CAMSAP2: variants seen among roughly 807,000 people sequenced by gnomAD.
CAMSAP2 encodes the protein calmodulin-regulated spectrin-associated protein 2.
Under a neutral mutation model 146.1 loss-of-function variants are expected in CAMSAP2, and 26 were observed. That is an observed-to-expected ratio of 0.18 (90% confidence interval 0.13 to 0.25). The LOEUF (loss-of-function observed/expected upper bound fraction) is 0.25, where lower values mean the gene tolerates loss of function less well. Ranked by LOEUF, CAMSAP2 falls within the 10% of genes least tolerant of loss-of-function variation. The probability of loss-of-function intolerance (pLI) is 1.00; values close to 1 mark genes in which losing one functional copy is unlikely to be tolerated. For missense variants in CAMSAP2, 1,381 were observed against 1,759.3 expected (o/e 0.78, Z 3.85); for synonymous variants, 499 against 596.6 (o/e 0.84, Z 2.38).
chr1:200,832,739 A>C lies in CAMSAP2; in HGVS notation c.821A>C (p.Asp274Ala). Residue 274 changes from aspartate (D) to alanine (A), a missense_variant, in exon 6 of 17, where the codon GAT (aspartate) becomes GCT (alanine). Asp to Ala is a moderately radical substitution (Grantham distance 126, BLOSUM62 -2). This residue lies in a region of CAMSAP2 where 284 missense variants were observed against 406.9 expected (regional missense o/e 0.70). Transcript: ENST00000358823. This position sits in a 1 kb window ranked among gnomAD's most constrained non-coding sequence, Gnocchi z 4.2. ...TTGAAAGAAACTATGTCTTTGGCTG[A>C]TAGCCTGTATAATCTGCAGCTGATT... is the stretch of plus-strand genomic sequence containing the variant. ...ICLKETMSLA[D>A]SLYNLQLIQE... The C allele has an allele frequency of 6.2e-7, 1 of 1,609,582 alleles. No homozygotes were observed. The highest frequency in any genetic ancestry group is 8.5e-7 in the Non-Finnish European group (1 of 1,178,100).
At chr1:200,754,494 C>T (rs1432352512) in intron 1 of CAMSAP2, among the ~76,000 whole-genome samples, 1 of 151,808 alleles carries the variant, frequency 6.6e-6, no homozygotes, top group East Asian at 1.9e-4. Flanking sequence ...AATGATCTTG[C>T]CTGAACCGAT....
At chr1:200,749,612 C>T (rs183270025) in intron 1 of CAMSAP2, among the ~76,000 whole-genome samples, 74 of 152,282 alleles carry the variant, frequency 4.9e-4, no homozygotes, top group Admixed American at 6.5e-5. Flanking sequence ...CTTTATTTAA[C>T]ATGTTCTATC....
intron 2 of CAMSAP2, among the ~76,000 whole-genome samples, chr1:200,797,847 T>C (rs1290892643): frequency 4.2e-5 from 6 of 142,180 alleles, no homozygotes; most frequent in Non-Finnish European, 9.2e-5. Flanking sequence ...TTGATTTTTG[T>C]ATAAGGTGTA....
chr1:200,787,925 A>G (rs933534495), intron 2 of CAMSAP2, among the ~76,000 whole-genome samples: 1 of 152,228 alleles, frequency 6.6e-6, no homozygotes, highest in African/African-American at 2.4e-5. Context: ...TTAGCAATAC[A>G]ATATTTTTAA....
intron 1 of CAMSAP2, among the ~76,000 whole-genome samples, chr1:200,755,604 GTAA>G (rs1664625316): frequency 6.6e-6 from 1 of 152,172 alleles, no homozygotes; most frequent in South Asian, 2.1e-4. Context: ...ACCATGTTAG[GTAA>G]TAATGTAGAG....
At position 200,848,014 on chromosome 1, in the gene CAMSAP2, T is replaced by C. The variant is rs767450187; in HGVS notation, c.1263-18T>C. ...TTCTAGGATTTTTAAAGGATTTTTC[T>C]CTTTAACTTTTTTTTAGATCATCAG... On this transcript the variant is annotated intron_variant, in intron 10 of 16. Transcript: ENST00000358823. 1.4e-6 allele frequency: 2 copies of C among 1,450,486 alleles called. No homozygotes were observed. The highest frequency in any genetic ancestry group is 1.4e-5 in the African/African-American group (1 of 70,344). 89.9% of individuals were successfully genotyped at this position (1,450,486 alleles called of 1,614,324 possible).
Position 200,815,575 on chromosome 1 carries a change from G to A in CAMSAP2, c.576G>A (p.Leu192=), listed in dbSNP as rs761068698. The change falls in exon 4 of 17, where the codon TTG becomes TTA. Residue 192 remains leucine (L), a synonymous_variant. Transcript: ENST00000358823. ...TATATTTTAAGGTAAATGAACATTT[G>A]AAAGACATAATGGAACAAGAACAAA... ...MYWINKVNEH[L]KDIMEQEQKL... 3.2e-6 allele frequency: 5 copies of A among 1,545,878 alleles called. No individual in the cohort carries two copies. The Admixed American group carries it at 7.9e-5, about 24-fold the overall frequency.
At chr1:200,852,138 TG>T (rs1184336051) in intron 11 of CAMSAP2, among the ~76,000 whole-genome samples, 1 of 152,202 alleles carries the variant, frequency 6.6e-6, no homozygotes, top group African/African-American at 2.4e-5. Context: ...TGGCTAATTT[TG>T]GGATGTTTTT....
Position 200,817,185 on chromosome 1 carries a change from C to CATATAAGTGTGTGTGTAT in CAMSAP2, c.645+1542_645+1543insTATAAGTGTGTGTGTATA, listed in dbSNP as rs1262119747. 3.7e-3 allele frequency among the ~76,000 whole-genome samples: 260 copies of CATATAAGTGTGTGTGTAT among 70,686 alleles called. 5 individuals are homozygous for CATATAAGTGTGTGTGTAT. Among genetic ancestry groups the CATATAAGTGTGTGTGTAT allele is most frequent in the East Asian group, 0.013 (15 of 1,138 alleles). 46.4% of individuals were successfully genotyped at this position (70,686 alleles called of 152,430 possible). ...ACACACGTGTGTGTATATACACACA[C>CATATAAGTGTGTGTGTAT]ACACATGTGTGTGTGTATACACACA... On this transcript the variant is annotated intron_variant, in intron 4 of 16. Coordinates refer to ENST00000358823, the MANE Select transcript of CAMSAP2 (RefSeq NM_203459.4).
intron 2 of CAMSAP2, among the ~76,000 whole-genome samples, chr1:200,799,590 C>G (rs982883693): frequency 9.2e-5 from 14 of 152,026 alleles, no homozygotes; most frequent in African/African-American, 3.4e-4. Flanking sequence ...GGCTAGCAGT[C>G]TATCTATTTT....
intron 11 of CAMSAP2, among the ~76,000 whole-genome samples, chr1:200,852,228 CTG>C (rs1392828180): frequency 7.2e-5 from 11 of 152,124 alleles, no homozygotes; most frequent in Non-Finnish European, 1.6e-4. Flanking sequence ...GAACTACCTA[CTG>C]TAAGTTATTA....
chr1:200,842,990 A>C (rs1393467661), intron 7 of CAMSAP2, among the ~76,000 whole-genome samples: 1 of 151,892 alleles, frequency 6.6e-6, no homozygotes, highest in Non-Finnish European at 1.5e-5. Flanking sequence ...AAAAAAGAAA[A>C]AAAAAAAAAA....
intron 11 of CAMSAP2, among the ~76,000 whole-genome samples, chr1:200,851,047 G>C (rs1200753077): frequency 2.0e-5 from 3 of 152,020 alleles, no homozygotes; most frequent in Admixed American, 6.6e-5. Context: ...TCCTTCAGTC[G>C]AGGTCAAATG....
intron 1 of CAMSAP2, 27 bp from the exon 2 acceptor site, chr1:200,760,810 AAG>A (rs1558164696): frequency 1.3e-6 from 2 of 1,487,480 alleles, no homozygotes; most frequent in Non-Finnish European, 1.8e-6. Context: ...AAAATCTTGT[AAG>A]AGAATTTTTT....
chr1:200,783,568 G>A (rs951903229), intron 2 of CAMSAP2, among the ~76,000 whole-genome samples: 5 of 151,914 alleles, frequency 3.3e-5, no homozygotes, highest in Admixed American at 1.3e-4. Flanking sequence ...CTGCAGCCTC[G>A]ACTTCCTAGC....
chr1:200,773,234 C>CT (rs1196854460), intron 2 of CAMSAP2, among the ~76,000 whole-genome samples: 2 of 151,974 alleles, frequency 1.3e-5, no homozygotes, highest in Non-Finnish European at 2.9e-5. Flanking sequence ...TTAACCATGA[C>CT]TTTTCATTTT....
chr1:200,822,331 C>T (rs1302464794), intron 4 of CAMSAP2, among the ~76,000 whole-genome samples: 2 of 152,114 alleles, frequency 1.3e-5, no homozygotes, highest in Non-Finnish European at 2.9e-5. Context: ...CATTTATGTT[C>T]CCATTTTATC....
chr1:200,807,814 C>T (rs1433205301), intron 3 of CAMSAP2, among the ~76,000 whole-genome samples: 1 of 148,288 alleles, frequency 6.7e-6, no homozygotes, highest in Non-Finnish European at 1.5e-5. Context: ...GATCTCGGCT[C>T]ACTGCAACCT....
chr1:200,776,121 T>A (rs546361997), intron 2 of CAMSAP2, among the ~76,000 whole-genome samples: 95 of 152,354 alleles, frequency 6.2e-4, no homozygotes, highest in African/African-American at 1.8e-3. Context: ...ATTATTTTTT[T>A]AAAAATTTGT....
Sources: allele counts gnomAD v4.1 joint callset (sites outside exome capture counted in the v4.1 genomes callset), GRCh38; gene constraint gnomAD v4.1.1; regional missense constraint gnomAD v4.1.1; non-coding constraint Gnocchi (gnomAD v3.1); transcripts MANE v1.5; gene names NCBI Gene and HGNC (gene_info 2026-07-23, HGNC 2026-07-21).